The following ENOX1 variants were observed in gnomAD, a reference collection of about 807,000 sequenced individuals.
ENOX1 encodes candidate growth-related and time keeping constitutive hydroquinone (NADH) oxidase.
A neutral mutation model predicts 82.5 loss-of-function variants in ENOX1; 42 were observed. That is an observed-to-expected ratio of 0.51 (90% CI 0.40 to 0.66). The LOEUF (loss-of-function observed/expected upper bound fraction) is 0.66. Among genes scored for constraint, ENOX1 ranks in the 30% least tolerant of loss-of-function variants. The probability of loss-of-function intolerance (pLI) is 0.00; values close to 1 mark genes in which losing one functional copy is unlikely to be tolerated. For missense variants in ENOX1, 608 were observed against 811.6 expected (o/e 0.75, Z 3.05); for synonymous variants, 271 against 282.2 (o/e 0.96, Z 0.40).
intron 12 of ENOX1, among the ~76,000 whole-genome samples, chr13:43,285,892 C>T (rs990066649): frequency 6.6e-6 from 1 of 151,208 alleles, no homozygotes; most frequent in Admixed American, 6.6e-5. Context: ...CTTTGTCCCC[C>T]CATCAAATTT....
intron 3 of ENOX1, among the ~76,000 whole-genome samples, chr13:43,478,284 AT>A (rs2058373324): frequency 6.6e-6 from 1 of 152,024 alleles, no homozygotes; most frequent in Non-Finnish European, 1.5e-5. Flanking sequence ...TTGATCTATA[AT>A]TTTCAGTATT....
intron 8 of ENOX1, among the ~76,000 whole-genome samples, chr13:43,344,951 C>T (rs1435372112): frequency 6.6e-6 from 1 of 152,184 alleles, no homozygotes; most frequent in Non-Finnish European, 1.5e-5. Context: ...CACAGAACCA[C>T]TCAGGAGGTT....
intron 1 of ENOX1, among the ~76,000 whole-genome samples, chr13:43,697,266 A>G (rs1169878814): frequency 1.3e-5 from 2 of 152,222 alleles, no homozygotes; most frequent in African/African-American, 4.8e-5. Flanking sequence ...CTTAAGAAAT[A>G]TATTTCCTAA....
chr13:43,761,490 C>CA (rs1950971683), intron 1 of ENOX1, among the ~76,000 whole-genome samples: 1 of 152,198 alleles, frequency 6.6e-6, no homozygotes, highest in Non-Finnish European at 1.5e-5. Context: ...AAACTACCTA[C>CA]ACACTTCCAC....
intron 3 of ENOX1, among the ~76,000 whole-genome samples, chr13:43,424,805 G>A (rs1566186763): frequency 6.6e-6 from 1 of 152,050 alleles, no homozygotes; most frequent in Non-Finnish European, 1.5e-5. Flanking sequence ...TGCTTCTCAG[G>A]GCCTCATAAA....
chr13:43,617,897 G>C (rs909410061), intron 2 of ENOX1, among the ~76,000 whole-genome samples: 307 of 97,906 alleles, frequency 3.1e-3, no homozygotes, highest in Admixed American at 7.0e-3. Flanking sequence ...CTGGTTTGTT[G>C]TTGTTGTTGT....
chr13:43,439,783 C>T (rs1371627854), intron 3 of ENOX1, among the ~76,000 whole-genome samples: 3 of 152,196 alleles, frequency 2.0e-5, no homozygotes, highest in East Asian at 1.9e-4. Context: ...TGTTCACTAT[C>T]GTGTATGTAA....
At chr13:43,331,816 T>A (rs577844071) in intron 9 of ENOX1, among the ~76,000 whole-genome samples, 1 of 152,154 alleles carries the variant, frequency 6.6e-6, no homozygotes, top group South Asian at 2.1e-4. Flanking sequence ...GGACAGCACA[T>A]AAGAGGAAGC....
chr13:43,526,999 TG>T (rs1376689840), intron 2 of ENOX1, among the ~76,000 whole-genome samples: 15 of 152,078 alleles, frequency 9.9e-5, no homozygotes, highest in Admixed American at 9.8e-4. Context: ...TGCACTCTAT[TG>T]GAAGCAGAGT....
chr13:43,416,556 G>A (rs1332603726), intron 3 of ENOX1, among the ~76,000 whole-genome samples: 2 of 149,020 alleles, frequency 1.3e-5, no homozygotes, highest in Admixed American at 6.6e-5. Flanking sequence ...AGGTAGCAGC[G>A]ATCCTCACTT....
At chr13:43,695,838 C>G (rs1276175972) in intron 1 of ENOX1, among the ~76,000 whole-genome samples, 1 of 152,074 alleles carries the variant, frequency 6.6e-6, no homozygotes, top group Non-Finnish European at 1.5e-5. Context: ...GTGTACGGTT[C>G]AGTGATTTTT....
intron 11 of ENOX1, among the ~76,000 whole-genome samples, chr13:43,315,008 G>T (rs139366539): frequency 2.6e-5 from 4 of 152,156 alleles, no homozygotes; most frequent in Admixed American, 6.5e-5. Context: ...TTTAACAAAG[G>T]CTTGCTTGTT....
intron 1 of ENOX1, among the ~76,000 whole-genome samples, chr13:43,687,355 G>T (rs1192848749): frequency 6.6e-6 from 1 of 152,162 alleles, no homozygotes; most frequent in Non-Finnish European, 1.5e-5. Context: ...TTGGACGGGG[G>T]AATGGATCAT....
chr13:43,252,519 C>T (rs182830747), intron 14 of ENOX1, among the ~76,000 whole-genome samples: 53 of 152,246 alleles, frequency 3.5e-4, no homozygotes, highest in African/African-American at 1.1e-3. Flanking sequence ...TGCTGTCTTT[C>T]GATAAAAACA....
Position 43,356,078 on chromosome 13 carries a change from TG to T in ENOX1, c.663del (p.Arg222GlyfsTer37). ...CATTCCCACTCATAGAAGTCATCCC[TG>T]GCCTGGGCAAAGTCCACATGAAGGC... is the stretch of plus-strand genomic sequence containing the variant. ...SGRLHVDFAQARDDFYEWECK... is the reference protein window; with the variant it reads ...SGRLHVDFAQXRDDFYEWECK... On this transcript the variant is annotated frameshift_variant, in exon 8 of 17. Transcript: ENST00000690772. LOFTEE classifies it high-confidence loss of function. 6.2e-7 allele frequency: 1 copy of T among 1,614,206 alleles called. No individual in the cohort carries two copies. Among genetic ancestry groups the T allele is most frequent in the Non-Finnish European group, 8.5e-7 (1 of 1,180,044 alleles).
At chr13:43,215,836 A>G (rs1269982235) in intron 16 of ENOX1, among the ~76,000 whole-genome samples, 1 of 152,202 alleles carries the variant, frequency 6.6e-6, no homozygotes, top group Non-Finnish European at 1.5e-5. Flanking sequence ...TCTTGGGTGT[A>G]GCCCACATAA....
intron 8 of ENOX1, among the ~76,000 whole-genome samples, chr13:43,347,397 A>G (rs1228899653): frequency 6.6e-6 from 1 of 152,176 alleles, no homozygotes; most frequent in African/African-American, 2.4e-5. Flanking sequence ...TTTCATCTTC[A>G]TTTCTGAACT....
intron 3 of ENOX1, among the ~76,000 whole-genome samples, chr13:43,451,815 C>T (rs954349533): frequency 1.3e-5 from 2 of 152,098 alleles, no homozygotes; most frequent in Non-Finnish European, 2.9e-5. Context: ...ATTCTAGGTA[C>T]TTGGGGAAAA....
chr13:43,217,848 C>T (rs2041568946), intron 16 of ENOX1, among the ~76,000 whole-genome samples: 1 of 152,204 alleles, frequency 6.6e-6, no homozygotes, highest in Non-Finnish European at 1.5e-5. Flanking sequence ...CAAAATTTAT[C>T]TGTCAATTAG....
Sources: gnomAD v4.1 joint callset for allele counts (sites outside exome capture counted in the v4.1 genomes callset) on GRCh38, gnomAD v4.1.1 for gene constraint, MANE v1.5 for transcripts, NCBI Gene and HGNC (gene_info 2026-07-23, HGNC 2026-07-21) for gene names.